PRKAG2: variants seen among roughly 807,000 people sequenced by gnomAD.
PRKAG2 encodes 5'-AMP-activated protein kinase subunit gamma-2.
In PRKAG2, 26 loss-of-function variants were observed where a neutral mutation model predicts 69.6. The observed-to-expected ratio is 0.37, with a 90% CI of 0.27 to 0.52. The LOEUF (loss-of-function observed/expected upper bound fraction) is 0.52, where lower values mean the gene tolerates loss of function less well. Among genes scored for constraint, PRKAG2 ranks in the 20% least tolerant of loss-of-function variants. The pLI, the probability that PRKAG2 is intolerant of heterozygous loss-of-function variation, is 0.90. For missense variants in PRKAG2, 557 were observed against 740.0 expected (o/e 0.75, Z 2.87); for synonymous variants, 293 against 285.0 (o/e 1.03, Z -0.28).
rs73475405 is a variant in PRKAG2, at chr7:151,559,540, G to A, written c.1678+984C>T. On this transcript the variant is annotated intron_variant, in intron 15 of 15. Transcript: ENST00000287878. ...TGATGCCTGGCCTGAGGACCACCTCGGAAAAATCACTGCTGTACTGGAATT... is the reference window on the plus strand; with the variant it reads ...TGATGCCTGGCCTGAGGACCACCTCAGAAAAATCACTGCTGTACTGGAATT... The A allele has an allele frequency of 0.014, 13,744 of 983,046 alleles. 1,393 individuals carry two copies. The African/African-American group carries it at 0.22, about 16-fold the overall frequency. The allele number at this position is 983,046 out of a possible 1,614,324, so 60.9% of individuals were successfully genotyped here. A position where few individuals can be genotyped will look rare whatever the true frequency, so the allele number is the denominator to read the frequency against.
At position 151,576,343 on chromosome 7, in the gene PRKAG2, C is replaced by T. The variant is rs201429812; in HGVS notation, c.946+28G>A. On this transcript the variant is annotated intron_variant, in intron 7 of 15. Coordinates refer to ENST00000287878, the MANE Select transcript of PRKAG2 (RefSeq NM_016203.4). Reference sequence around the variant, plus strand: ...TTTCTGCTTTCAAGGTTTCCATTTTCGATTTTCCTCAGGCCCACACTGCTT... The same window carrying T: ...TTTCTGCTTTCAAGGTTTCCATTTTTGATTTTCCTCAGGCCCACACTGCTT... 1.0e-4 allele frequency: 160 copies of T among 1,541,552 alleles called. 1 individual carries two copies. The East Asian group carries it at 2.0e-3, about 19-fold the overall frequency.
rs987004153 is a variant in PRKAG2, at chr7:151,583,346, G to T, written c.865-6894C>A. ...CACATACACTGTTGACCTGTCCGCA[G>T]GTCACTGAGGAAGTCTCAATTCCAT... On this transcript the variant is annotated intron_variant, in intron 6 of 15. Transcript: ENST00000287878. The surrounding 1 kb of genome is among the most constrained non-coding windows in gnomAD (Gnocchi z 4.1). Among the ~76,000 whole-genome samples, 11 of 152,126 alleles carry T rather than the reference G, an allele frequency of 7.2e-5. No individual in the cohort carries two copies. The highest frequency in any genetic ancestry group is 2.6e-4 in the Admixed American group (4 of 15,274).
Position 151,583,209 on chromosome 7 carries a change from A to G in PRKAG2, c.865-6757T>C, listed in dbSNP as rs1401814119. 6.6e-6 allele frequency among the ~76,000 whole-genome samples: 1 copy of G among 152,064 alleles called. No homozygotes were observed. Among genetic ancestry groups the G allele is most frequent in the African/African-American group, 2.4e-5 (1 of 41,396 alleles). On this transcript the variant is annotated intron_variant, in intron 6 of 15. Coordinates refer to ENST00000287878, the MANE Select transcript of PRKAG2 (RefSeq NM_016203.4). The surrounding 1 kb of genome is among the most constrained non-coding windows in gnomAD (Gnocchi z 4.1). ...CTAATTTTTAAATCTTTTTGTAGAG[A>G]TGGGGTTTTGCCATGTTGCCCGGGC...
chr7:151,589,409 C>T (rs976896330), intron 6 of PRKAG2, among the ~76,000 whole-genome samples: 6 of 152,154 alleles, frequency 3.9e-5, no homozygotes, highest in Admixed American at 6.5e-5. Flanking sequence ...CTCATCCCCC[C>T]GTTTTGGATT....
At chr7:151,753,035 C>A (rs768419765) in intron 3 of PRKAG2, among the ~76,000 whole-genome samples, 58 of 152,250 alleles carry the variant, frequency 3.8e-4, no homozygotes, top group Non-Finnish European at 6.9e-4. Flanking sequence ...TGGGTGCCCA[C>A]CTGAGGGCGG....
chr7:151,601,470 A>G (rs1456359479), intron 5 of PRKAG2, among the ~76,000 whole-genome samples: 2 of 152,164 alleles, frequency 1.3e-5, no homozygotes. Flanking sequence ...ATTCCTCCCA[A>G]AGCTGATCCT....
At chr7:151,821,569 A>G (rs1370158909) in intron 1 of PRKAG2, among the ~76,000 whole-genome samples, 1 of 152,128 alleles carries the variant, frequency 6.6e-6, no homozygotes, top group African/African-American at 2.4e-5. Flanking sequence ...AAGGCTCCCC[A>G]ATTTAATTGA....
At position 151,731,219 on chromosome 7, in the gene PRKAG2, C is replaced by A. The variant is rs527294164; in HGVS notation, c.466+49933G>T. 2.0e-5 allele frequency among the ~76,000 whole-genome samples: 3 copies of A among 152,286 alleles called. No individual in the cohort carries two copies. In the South Asian group the frequency reaches 6.2e-4, roughly 32 times the overall value. On this transcript the variant is annotated intron_variant, in intron 3 of 15. Transcript: ENST00000287878. ...CTGGATTTCTCTTTGCCAAAGAGGC[C>A]GAAAGAAAGGCTTAGCCAAGCTCGT...
At chr7:151,861,944 C>T (rs575991753) in intron 1 of PRKAG2, among the ~76,000 whole-genome samples, 42 of 151,668 alleles carry the variant, frequency 2.8e-4, no homozygotes, top group African/African-American at 5.8e-4. Flanking sequence ...CATCTTCCTG[C>T]TCACACACAG....
At chr7:151,601,920 G>T (rs903323084) in intron 5 of PRKAG2, among the ~76,000 whole-genome samples, 5 of 152,232 alleles carry the variant, frequency 3.3e-5, no homozygotes, top group African/African-American at 7.2e-5. Flanking sequence ...GTTCGTGAAT[G>T]AATAGCAGCG....
chr7:151,794,123 C>T (rs536449406), intron 1 of PRKAG2, among the ~76,000 whole-genome samples: 11 of 152,310 alleles, frequency 7.2e-5, no homozygotes, highest in African/African-American at 2.2e-4. Context: ...TCCCCTTCCC[C>T]GCCCCCCAAG....
intron 1 of PRKAG2, among the ~76,000 whole-genome samples, chr7:151,797,151 C>T (rs2077589845): frequency 6.6e-6 from 1 of 152,086 alleles, no homozygotes; most frequent in African/African-American, 2.4e-5. Flanking sequence ...TGAGATGGCC[C>T]CGGCCTGACC....
chr7:151,830,624 C>T (rs1434954879), intron 1 of PRKAG2, among the ~76,000 whole-genome samples: 2 of 151,940 alleles, frequency 1.3e-5, no homozygotes, highest in African/African-American at 4.8e-5. Context: ...GGCCCTCCCG[C>T]GATGGGACTC....
Position 151,792,166 on chromosome 7 carries a change from G to A in PRKAG2, c.115-5625C>T, listed in dbSNP as rs80127509. 9.8e-5 allele frequency among the ~76,000 whole-genome samples: 15 copies of A among 152,322 alleles called. No individual in the cohort carries two copies. The East Asian group carries it at 2.9e-3, about 29-fold the overall frequency. On this transcript the variant is annotated intron_variant, in intron 1 of 15. Coordinates refer to ENST00000287878, the MANE Select transcript of PRKAG2 (RefSeq NM_016203.4). The stretch of plus-strand genomic sequence containing the variant: ...TCCTAAAACAAGTATCCTTGGCACA[G>A]TGTGACCTCAGGGGAAGGAAGGAAG...
At chr7:151,755,102 G>A (rs946489336) in intron 3 of PRKAG2, among the ~76,000 whole-genome samples, 12 of 152,170 alleles carry the variant, frequency 7.9e-5, no homozygotes, top group African/African-American at 2.2e-4. Flanking sequence ...CTGAGCGGGG[G>A]TCGGGGGCTG....
At chr7:151,672,748 A>G (rs1212835375) in intron 4 of PRKAG2, among the ~76,000 whole-genome samples, 5 of 152,008 alleles carry the variant, frequency 3.3e-5, no homozygotes, top group East Asian at 3.9e-4. Context: ...CATCATCTGT[A>G]TACACCACAT....
intron 4 of PRKAG2, among the ~76,000 whole-genome samples, chr7:151,670,613 A>G (rs1316002231): frequency 6.6e-6 from 1 of 152,180 alleles, no homozygotes; most frequent in Non-Finnish European, 1.5e-5. Flanking sequence ...CAATAACGGA[A>G]CGGGTTCTAT....
intron 3 of PRKAG2, among the ~76,000 whole-genome samples, chr7:151,709,932 G>C (rs1169549849): frequency 6.6e-6 from 1 of 152,196 alleles, no homozygotes; most frequent in Non-Finnish European, 1.5e-5. Context: ...ACTGAGTGAC[G>C]TGTGACACTG....
At chr7:151,723,982 T>C (rs1797530643) in intron 3 of PRKAG2, among the ~76,000 whole-genome samples, 1 of 152,148 alleles carries the variant, frequency 6.6e-6, no homozygotes, top group Non-Finnish European at 1.5e-5. Context: ...TCTACTGTTC[T>C]GTGTAAGAGC....
Sources: gnomAD v4.1 joint callset for allele counts (sites outside exome capture counted in the v4.1 genomes callset) on GRCh38, gnomAD v4.1.1 for gene constraint, Gnocchi (gnomAD v3.1) non-coding constraint, MANE v1.5 for transcripts, NCBI Gene and HGNC (gene_info 2026-07-23, HGNC 2026-07-21) for gene names.